ANO3: variants seen among roughly 807,000 people sequenced by gnomAD.
The protein encoded by ANO3 is anoctamin 3, also known as anoctamin-3.
Under a neutral mutation model 144.8 loss-of-function variants are expected in ANO3, and 99 were observed. That is an observed-to-expected ratio of 0.68 (90% CI 0.58 to 0.81). The LOEUF (loss-of-function observed/expected upper bound fraction) is 0.81, where lower values mean the gene tolerates loss of function less well. Ranked by LOEUF, ANO3 falls within the 30% of genes least tolerant of loss-of-function variation. The pLI is 0.00. For synonymous variants in ANO3, 414 were observed against 392.6 expected, an observed-to-expected ratio of 1.05 and a Z score of -0.64; for missense variants, 905 against 1,202.2, an observed-to-expected ratio of 0.75 and a Z score of 3.66.
intron 6 of ANO3, among the ~76,000 whole-genome samples, chr11:26,520,598 T>C (rs1252083207): frequency 6.6e-6 from 1 of 152,110 alleles, no homozygotes; most frequent in South Asian, 2.1e-4. Flanking sequence ...TTCAACAGGA[T>C]CTTAAAAGAA....
At chr11:26,419,693 G>A (rs1032775361) in intron 1 of ANO3, among the ~76,000 whole-genome samples, 1 of 151,930 alleles carries the variant, frequency 6.6e-6, no homozygotes, top group African/African-American at 2.4e-5. Flanking sequence ...ATAAATGAAT[G>A]GAAACATAAT....
At chr11:26,204,198 G>A (rs1851752811) in intron 1 of ANO3, among the ~76,000 whole-genome samples, 1 of 152,096 alleles carries the variant, frequency 6.6e-6, no homozygotes, top group Non-Finnish European at 1.5e-5. Flanking sequence ...CTTACACTCA[G>A]AACTTGCAAT....
intron 17 of ANO3, among the ~76,000 whole-genome samples, chr11:26,621,581 C>G (rs916028601): frequency 1.3e-5 from 2 of 152,166 alleles, no homozygotes; most frequent in Admixed American, 6.5e-5. Flanking sequence ...CCAAAACTCT[C>G]TATCCGCTCT....
At chr11:26,277,144 CA>C (rs58972027) in intron 1 of ANO3, among the ~76,000 whole-genome samples, 5,298 of 152,082 alleles carry the variant, frequency 0.035, 182 homozygotes, top group African/African-American at 0.09. Flanking sequence ...CTCTATTTCA[CA>C]AAATATCCTT....
chr11:26,605,546 C>T (rs1851911068), intron 17 of ANO3, among the ~76,000 whole-genome samples: 1 of 152,130 alleles, frequency 6.6e-6, no homozygotes, highest in African/African-American at 2.4e-5. Flanking sequence ...GCTGTGAATC[C>T]ATCTGGTCCT....
chr11:26,555,901 C>A lies in ANO3; in HGVS notation c.1386+2556C>A, dbSNP rs112418931. ...AAACAAAATCATCTGGACACATGAT[C>A]TAGGGACTTCTCAATTCAGTTCCTT... On this transcript the variant is annotated intron_variant, in intron 13 of 26. Transcript: ENST00000256737. 5.6e-3 allele frequency among the ~76,000 whole-genome samples: 846 copies of A among 152,026 alleles called. 8 individuals carry two copies. Among genetic ancestry groups the A allele is most frequent in the African/African-American group, 0.02 (808 of 41,384 alleles).
chr11:26,221,962 A>G (rs1852154216), intron 1 of ANO3, among the ~76,000 whole-genome samples: 1 of 152,156 alleles, frequency 6.6e-6, no homozygotes, highest in Admixed American at 6.5e-5. Flanking sequence ...CATCTAAACC[A>G]TATCATGCTG....
chr11:26,380,280 C>T (rs2133949262), intron 1 of ANO3, among the ~76,000 whole-genome samples: 1 of 152,220 alleles, frequency 6.6e-6, no homozygotes, highest in Admixed American at 6.5e-5. Flanking sequence ...ATTACTTGTT[C>T]TTGTGGGTTA....
intron 1 of ANO3, among the ~76,000 whole-genome samples, chr11:26,428,562 A>T (rs148441266): frequency 1.2e-3 from 189 of 152,342 alleles, no homozygotes; most frequent in African/African-American, 4.4e-3. Flanking sequence ...TTTGTTCTTC[A>T]GGTATTGATA....
intron 22 of ANO3, among the ~76,000 whole-genome samples, 193 bp downstream of exon 22, chr11:26,642,222 AGT>A (rs1853179864): frequency 6.6e-6 from 1 of 152,174 alleles, no homozygotes; most frequent in Non-Finnish European, 1.5e-5. Flanking sequence ...ATTCTCTGAG[AGT>A]CATGCATTGA....
intron 1 of ANO3, among the ~76,000 whole-genome samples, chr11:26,403,340 T>C (rs1348954675): frequency 6.6e-6 from 1 of 151,948 alleles, no homozygotes; most frequent in Non-Finnish European, 1.5e-5. Flanking sequence ...GGATAATTCA[T>C]TATTTCACTA....
intron 1 of ANO3, among the ~76,000 whole-genome samples, chr11:26,302,059 C>T (rs1473083138): frequency 6.6e-6 from 1 of 152,192 alleles, no homozygotes; most frequent in African/African-American, 2.4e-5. Flanking sequence ...AAGGTAACTG[C>T]CAAGATTCAG....
chr11:26,322,970 A>G, intron 1 of ANO3, among the ~76,000 whole-genome samples: 1 of 152,146 alleles, frequency 6.6e-6, no homozygotes, highest in Admixed American at 6.6e-5. Flanking sequence ...ATGGATATAT[A>G]TTTTACACTT....
intron 1 of ANO3, among the ~76,000 whole-genome samples, chr11:26,407,047 GGTGTGTGTGTGTGT>G (rs372391349): frequency 6.5e-5 from 7 of 108,368 alleles, no homozygotes; most frequent in South Asian, 3.4e-4. Flanking sequence ...TATATATATG[GGTGTGTGTGTGTGT>G]GTGTGTGTGT....
chr11:26,643,682 G>T (rs1309459584), intron 23 of ANO3, among the ~76,000 whole-genome samples: 1 of 151,868 alleles, frequency 6.6e-6, no homozygotes, highest in East Asian at 1.9e-4. Context: ...TTGAACACGG[G>T]AGGCAGAGGT....
At chr11:26,516,308 C>T (rs1861862163) in intron 5 of ANO3, among the ~76,000 whole-genome samples, 1 of 151,246 alleles carries the variant, frequency 6.6e-6, no homozygotes, top group African/African-American at 2.4e-5. Flanking sequence ...AATATGACGA[C>T]TCTACGAGAT....
At chr11:26,364,411 C>T (rs1030189489) in intron 1 of ANO3, among the ~76,000 whole-genome samples, 1 of 152,308 alleles carries the variant, frequency 6.6e-6, no homozygotes, top group African/African-American at 2.4e-5. Flanking sequence ...CCCTCTAAAT[C>T]TCCCCGGGTT....
chr11:26,386,398 A>G (rs146857415), intron 1 of ANO3, among the ~76,000 whole-genome samples: 144 of 152,272 alleles, frequency 9.5e-4, no homozygotes, highest in Middle Eastern at 3.4e-3. Context: ...GGAAGTTTCA[A>G]TGGAGGCTAA....
Position 26,384,167 on chromosome 11 carries a change from T to C in ANO3, c.46+51846T>C, listed in dbSNP as rs957133173. On this transcript the variant is annotated intron_variant, in intron 1 of 26. Coordinates refer to ENST00000256737, the MANE Select transcript of ANO3 (RefSeq NM_031418.4). The stretch of plus-strand genomic sequence containing the variant: ...CGCCCGCCTTGGCCTCCCAAAGTGC[T>C]GGGATTACAGGCGTGAGCCACCGTG... 7.9e-5 allele frequency among the ~76,000 whole-genome samples: 12 copies of C among 152,266 alleles called. No homozygotes were observed. In the South Asian group the frequency reaches 1.0e-3, roughly 13 times the overall value.
Sources: gnomAD v4.1 joint callset for allele counts (sites outside exome capture counted in the v4.1 genomes callset) on GRCh38, gnomAD v4.1.1 for gene constraint, MANE v1.5 for transcripts, NCBI Gene and HGNC (gene_info 2026-07-23, HGNC 2026-07-21) for gene names.